COL21A1: variants seen among roughly 807,000 people sequenced by gnomAD.
COL21A1 encodes collagen alpha-1(XXI) chain.
COL21A1 carries 149 observed loss-of-function variants against 137.9 expected under a neutral mutation model. The observed-to-expected ratio is 1.08, with a 90% confidence interval of 0.95 to 1.24. The LOEUF is 1.24. Ranked by LOEUF, COL21A1 falls within the 50% of genes most tolerant of loss-of-function variation. The pLI, the probability that COL21A1 is intolerant of heterozygous loss-of-function variation, is 0.00. For missense variants in COL21A1, 1,167 were observed against 1,158.4 expected, an observed-to-expected ratio of 1.01 and a Z score of -0.11; for synonymous variants, 456 against 391.5, an observed-to-expected ratio of 1.16 and a Z score of -1.95.
chr6:56,124,735 G>A (rs371568040), intron 14 of COL21A1, among the ~76,000 whole-genome samples: 12 of 151,422 alleles, frequency 7.9e-5, no homozygotes, highest in Admixed American at 7.2e-4. Flanking sequence ...TCCGCCTCCC[G>A]GGTTCACGCC....
chr6:56,288,967 A>G (rs1763976861), intron 1 of COL21A1, among the ~76,000 whole-genome samples: 1 of 152,214 alleles, frequency 6.6e-6, no homozygotes, highest in African/African-American at 2.4e-5. Context: ...CACTTTATAA[A>G]ATGATACAAA....
intron 16 of COL21A1, among the ~76,000 whole-genome samples, chr6:56,118,646 A>G (rs1772154705): frequency 1.3e-5 from 2 of 152,122 alleles, no homozygotes; most frequent in Admixed American, 1.3e-4. Context: ...ACAGGCCAAT[A>G]TCTCTGATGA....
At chr6:56,314,328 G>A (rs1764681507) in intron 1 of COL21A1, among the ~76,000 whole-genome samples, 1 of 152,154 alleles carries the variant, frequency 6.6e-6, no homozygotes, top group Admixed American at 6.5e-5. Flanking sequence ...CAAAGAAAGG[G>A]TATATATCTT....
intron 10 of COL21A1, among the ~76,000 whole-genome samples, chr6:56,147,659 T>C (rs1774939652): frequency 1.3e-5 from 2 of 152,132 alleles, no homozygotes; most frequent in Non-Finnish European, 2.9e-5. Flanking sequence ...TGTATATATA[T>C]ACATACATGT....
chr6:56,111,900 T>G (rs987732997), intron 16 of COL21A1, among the ~76,000 whole-genome samples: 1 of 151,392 alleles, frequency 6.6e-6, no homozygotes, highest in African/African-American at 2.4e-5. Flanking sequence ...AGAAAAAACT[T>G]TAACACATCC....
intron 1 of COL21A1, among the ~76,000 whole-genome samples, chr6:56,361,314 G>A (rs1017562550): frequency 3.9e-5 from 6 of 152,088 alleles, no homozygotes; most frequent in South Asian, 2.1e-4. Flanking sequence ...GTCATGCTCC[G>A]TCTCATAAAA....
rs187248171 is a variant in COL21A1 at position 56,082,801 on chromosome 6, G to A, written c.1813-5228C>T. On this transcript the variant is annotated intron_variant, in intron 17 of 29. Coordinates refer to ENST00000244728, the MANE Select transcript of COL21A1 (RefSeq NM_030820.4). The stretch of plus-strand genomic sequence containing the variant: ...GTGAATTTTTAAACTTAATTTATAC[G>A]ATAAAAATAACTAGGTATTTAAAAT... Among the ~76,000 whole-genome samples the A allele has an allele frequency of 5.9e-5, 9 of 151,726 alleles. No individual in the cohort carries two copies. The East Asian group carries it at 1.2e-3, about 20-fold the overall frequency.
chr6:56,157,307 C>CTT (rs34605782), intron 9 of COL21A1, among the ~76,000 whole-genome samples: 29 of 94,030 alleles, frequency 3.1e-4, no homozygotes, highest in Non-Finnish European at 4.1e-4. Flanking sequence ...ACTCATAAGA[C>CTT]TTTTTTTTTT....
At chr6:56,324,952 C>T (rs1258833629) in intron 1 of COL21A1, among the ~76,000 whole-genome samples, 4 of 151,760 alleles carry the variant, frequency 2.6e-5, no homozygotes, top group Non-Finnish European at 4.4e-5. Context: ...ACTTTTATCT[C>T]TGAAGATGAA....
intron 1 of COL21A1, among the ~76,000 whole-genome samples, chr6:56,229,060 A>T (rs1781383624): frequency 6.6e-6 from 1 of 151,840 alleles, no homozygotes; most frequent in African/African-American, 2.4e-5. Flanking sequence ...TTATTTTTTG[A>T]TGCTTTCCAA....
intron 1 of COL21A1, among the ~76,000 whole-genome samples, chr6:56,254,333 T>C (rs983000596): frequency 7.2e-5 from 11 of 152,226 alleles, no homozygotes; most frequent in Admixed American, 3.3e-4. Context: ...AAATCGTTTA[T>C]ATACAGGCAT....
At chr6:56,292,312 C>T (rs1764064220) in intron 1 of COL21A1, among the ~76,000 whole-genome samples, 1 of 151,816 alleles carries the variant, frequency 6.6e-6, no homozygotes, top group Non-Finnish European at 1.5e-5. Context: ...TTTTCTTGGT[C>T]CTTCCTTAAT....
chr6:56,248,600 GCCTAGAACAATA>G (rs1782765234), upstream of COL21A1, among the ~76,000 whole-genome samples: 1 of 152,136 alleles, frequency 6.6e-6, no homozygotes, highest in Non-Finnish European at 1.5e-5. Context: ...TGTCCCCTGA[GCCTAGAACAATA>G]CCTGGAATAT....
chr6:56,339,193 C>T (rs956848286), intron 1 of COL21A1, among the ~76,000 whole-genome samples: 4 of 152,130 alleles, frequency 2.6e-5, no homozygotes, highest in African/African-American at 9.7e-5. Flanking sequence ...AGCCTTCTTC[C>T]TTCATCAGGT....
intron 16 of COL21A1, among the ~76,000 whole-genome samples, chr6:56,121,152 A>G (rs556902482): frequency 6.6e-6 from 1 of 152,296 alleles, no homozygotes; most frequent in African/African-American, 2.4e-5. Context: ...GTAGGAACTA[A>G]TAATCAAAAT....
At chr6:56,097,812 T>TATATAC (rs1769519904) in intron 17 of COL21A1, among the ~76,000 whole-genome samples, 1 of 106,962 alleles carries the variant, frequency 9.3e-6, no homozygotes, top group Admixed American at 1.3e-4. Context: ...TATATAAATA[T>TATATAC]ATATAAATAC....
At chr6:56,072,185 G>A (rs966347652) in intron 20 of COL21A1, among the ~76,000 whole-genome samples, 2 of 151,392 alleles carry the variant, frequency 1.3e-5, no homozygotes, top group Non-Finnish European at 3.0e-5. Context: ...AATATTCCAT[G>A]GTTCTTTTTG....
chr6:56,320,442 C>T (rs1281778732), intron 1 of COL21A1, among the ~76,000 whole-genome samples: 1 of 151,832 alleles, frequency 6.6e-6, no homozygotes. Context: ...AAACTCAAAG[C>T]CCTAAATACC....
At chr6:56,322,884 CA>C (rs386407164) in intron 1 of COL21A1, among the ~76,000 whole-genome samples, 224 of 129,784 alleles carry the variant, frequency 1.7e-3, no homozygotes, top group African/African-American at 3.9e-3. Flanking sequence ...CCTCTGCTAT[CA>C]AAAAAAAAAA....
Sources: allele counts gnomAD v4.1 joint callset (sites outside exome capture counted in the v4.1 genomes callset), GRCh38; gene constraint gnomAD v4.1.1; transcripts MANE v1.5; gene names NCBI Gene and HGNC (gene_info 2026-07-23, HGNC 2026-07-21).